The following RAB3IP variants were observed in gnomAD, a reference collection of about 807,000 sequenced individuals.
RAB3IP encodes RAB3A interacting protein.
Under a neutral mutation model 59.1 loss-of-function variants are expected in RAB3IP, and 36 were observed. That is an observed-to-expected ratio of 0.61 (90% CI 0.47 to 0.80). The LOEUF (loss-of-function observed/expected upper bound fraction) is 0.80, where lower values mean the gene tolerates loss of function less well. Ranked by LOEUF, RAB3IP falls within the 30% of genes least tolerant of loss-of-function variation. The pLI, the probability that RAB3IP is intolerant of heterozygous loss-of-function variation, is 0.00. For synonymous variants in RAB3IP, 207 were observed against 191.2 expected (o/e 1.08, Z -0.68); for missense variants, 511 against 536.0 (o/e 0.95, Z 0.46).
chr12:69,780,924 A>G (rs1874590629), intron 3 of RAB3IP, among the ~76,000 whole-genome samples: 1 of 152,194 alleles, frequency 6.6e-6, no homozygotes, highest in East Asian at 1.9e-4. Context: ...CCTGCCATAA[A>G]CAATACTAAA....
chr12:69,782,738 T>C (rs977398311), intron 3 of RAB3IP, among the ~76,000 whole-genome samples: 3 of 152,250 alleles, frequency 2.0e-5, no homozygotes, highest in African/African-American at 7.2e-5. Flanking sequence ...CATCTTTTAG[T>C]TTTAGTTCTA....
chr12:69,806,750 G>C (rs1044952294), intron 8 of RAB3IP, among the ~76,000 whole-genome samples: 7 of 151,906 alleles, frequency 4.6e-5, no homozygotes, highest in Admixed American at 1.3e-4. Context: ...TTGTGTCCCT[G>C]GGTACTTGAG....
chr12:69,801,331 C>T (rs1258476805), intron 7 of RAB3IP, among the ~76,000 whole-genome samples: 1 of 152,084 alleles, frequency 6.6e-6, no homozygotes, highest in Admixed American at 6.6e-5. Context: ...GGATATTAAT[C>T]GTGGGTAAGG....
At chr12:69,805,038 T>G (rs1005143283) in intron 8 of RAB3IP, among the ~76,000 whole-genome samples, 1 of 152,132 alleles carries the variant, frequency 6.6e-6, no homozygotes, top group South Asian at 2.1e-4. Context: ...TGAAGAAAGT[T>G]GTTGGTAGCT....
At chr12:69,797,477 C>CTTTTTTT in intron 6 of RAB3IP, among the ~76,000 whole-genome samples, 6 of 54,952 alleles carry the variant, frequency 1.1e-4, no homozygotes, top group African/African-American at 1.8e-4. Context: ...TCTTTTCTTT[C>CTTTTTTT]TTTTTTTTTT....
chr12:69,739,579 C>T, intron 1 of RAB3IP: 1 of 559,044 alleles, frequency 1.8e-6, no homozygotes, highest in Non-Finnish European at 3.2e-6. Flanking sequence ...AGGCACCGTG[C>T]TGAGGCGTAG....
chr12:69,782,066 A>AT (rs1479954098), intron 3 of RAB3IP, among the ~76,000 whole-genome samples: 1 of 152,084 alleles, frequency 6.6e-6, no homozygotes, highest in Non-Finnish European at 1.5e-5. Context: ...CCTTTGGGGG[A>AT]TTAAAAAACT....
intron 8 of RAB3IP, among the ~76,000 whole-genome samples, chr12:69,803,822 A>G (rs1878783963): frequency 6.6e-6 from 1 of 152,232 alleles, no homozygotes; most frequent in East Asian, 1.9e-4. Flanking sequence ...TACAAAGGAC[A>G]TGAACTCATC....
At chr12:69,784,054 T>G (rs1004011175) in intron 3 of RAB3IP, among the ~76,000 whole-genome samples, 1 of 152,168 alleles carries the variant, frequency 6.6e-6, no homozygotes, top group African/African-American at 2.4e-5. Context: ...GAAAGATTAG[T>G]TTAGGGCTAC....
chr12:69,805,138 T>G (rs1467343489), intron 8 of RAB3IP, among the ~76,000 whole-genome samples: 2 of 152,238 alleles, frequency 1.3e-5, no homozygotes, highest in African/African-American at 4.8e-5. Flanking sequence ...GCATTGAATG[T>G]TCTTCCATTT....
intron 1 of RAB3IP, among the ~76,000 whole-genome samples, chr12:69,746,478 C>T (rs1868357866): frequency 6.6e-6 from 1 of 152,136 alleles, no homozygotes; most frequent in Admixed American, 6.5e-5. Context: ...ACATTCTCCT[C>T]TTCCCTCTTC....
intron 3 of RAB3IP, among the ~76,000 whole-genome samples, chr12:69,763,272 T>C (rs1871653415): frequency 1.3e-5 from 2 of 152,226 alleles, no homozygotes; most frequent in South Asian, 4.1e-4. Context: ...GGAACATTGT[T>C]GTGGTGGAGA....
At position 69,822,240 on chromosome 12, in the gene RAB3IP, A is replaced by C. The variant is rs76966625; in HGVS notation, c.*6794A>C. 4.8e-4 allele frequency: 73 copies of C among 152,310 alleles called. No homozygotes were observed. The highest frequency in any genetic ancestry group is 1.7e-3 in the African/African-American group (71 of 41,566). The allele number at this position is 152,310 out of a possible 1,614,324, so 9.4% of individuals were successfully genotyped here. A position where few individuals can be genotyped will look rare whatever the true frequency, so the allele number is the denominator to read the frequency against. ...GACTTCATCCTTGCTCCCTACATCC[A>C]GCCAGTAACCATTGCTTTGTTTTAC... On this transcript the variant is annotated 3_prime_UTR_variant, in exon 11 of 11. Coordinates refer to ENST00000247833, the MANE Select transcript of RAB3IP (RefSeq NM_022456.5).
intron 3 of RAB3IP, chr12:69,778,915 G>T (rs1217043730): frequency 1.5e-4 from 6 of 39,822 alleles, no homozygotes; most frequent in South Asian, 1.2e-3. Flanking sequence ...GAGGCAGGCA[G>T]GCCTCCTTGA....
intron 6 of RAB3IP, chr12:69,796,277 G>T (rs941657532): frequency 2.6e-5 from 4 of 155,298 alleles, no homozygotes; most frequent in Non-Finnish European, 4.3e-5. Context: ...TCCAGCCTGG[G>T]CAACAAGAGC....
intron 3 of RAB3IP, among the ~76,000 whole-genome samples, chr12:69,768,079 G>A (rs1872515165): frequency 6.6e-6 from 1 of 152,168 alleles, no homozygotes; most frequent in Non-Finnish European, 1.5e-5. Context: ...GATCCAGCAA[G>A]CTGGTTCCCT....
At position 69,822,935 on chromosome 12, in the gene RAB3IP, ATATACT is replaced by A. The variant is rs1225705756; in HGVS notation, c.*7493_*7498del. 8.5e-5 allele frequency: 13 copies of A among 152,178 alleles called. No homozygotes were observed. The South Asian group carries it at 1.9e-3, about 22-fold the overall frequency. 9.4% of individuals were successfully genotyped at this position (152,178 alleles called of 1,614,324 possible). On this transcript the variant is annotated 3_prime_UTR_variant, in exon 11 of 11. Transcript: ENST00000247833. ...CAAGCCATTGCTCATGTTTTAAGAAATATACTTATTGTTTAATATATCCTGTACCAC... is the reference window on the plus strand; with the variant it reads ...CAAGCCATTGCTCATGTTTTAAGAAATATTGTTTAATATATCCTGTACCAC...
At chr12:69,786,250 G>T (rs117165422) in intron 4 of RAB3IP, among the ~76,000 whole-genome samples, 4 of 152,260 alleles carry the variant, frequency 2.6e-5, no homozygotes, top group African/African-American at 4.8e-5. Flanking sequence ...TCTACTAGGT[G>T]CCTGTTCCAC....
intron 3 of RAB3IP, among the ~76,000 whole-genome samples, chr12:69,768,153 C>G (rs989733757): frequency 1.3e-5 from 2 of 150,770 alleles, no homozygotes; most frequent in African/African-American, 4.9e-5. Flanking sequence ...GATCTGCATC[C>G]AGTAAGGATG....
Sources: gnomAD v4.1 joint callset for allele counts (sites outside exome capture counted in the v4.1 genomes callset) on GRCh38, gnomAD v4.1.1 for gene constraint, MANE v1.5 for transcripts, NCBI Gene and HGNC (gene_info 2026-07-23, HGNC 2026-07-21) for gene names.